Variants in QTMAN observed in about 807,000 individuals in gnomAD.
QTMAN encodes the protein queuosine-tRNA mannosyltransferase, also known as tRNA-queuosine alpha-mannosyltransferase.
chr2:143,946,952 G>T, the QTMAN span: 2 of 822,462 alleles, frequency 2.4e-6, no homozygotes, highest in Non-Finnish European at 4.0e-6. Context: ...AGCTTCCTCT[G>T]CAGATTTTCT....
At chr2:143,966,870 T>C in the QTMAN span, among the ~76,000 whole-genome samples, 1 of 152,248 alleles carries the variant, frequency 6.6e-6, no homozygotes, top group Admixed American at 6.5e-5. Flanking sequence ...GTTTGCTTCA[T>C]CAGAAAGGGC....
At chr2:144,291,262 G>C in the QTMAN span, among the ~76,000 whole-genome samples, 1 of 152,046 alleles carries the variant, frequency 6.6e-6, no homozygotes, top group African/African-American at 2.4e-5. Flanking sequence ...CACATTTTGG[G>C]GTACTAGGAG....
At chr2:144,261,084 A>C in the QTMAN span, among the ~76,000 whole-genome samples, 1 of 152,174 alleles carries the variant, frequency 6.6e-6, no homozygotes, top group Non-Finnish European at 1.5e-5. Flanking sequence ...ACTTCACGCT[A>C]TTCTCCTGAG....
chr2:144,173,000 T>C, the QTMAN span, among the ~76,000 whole-genome samples: 1 of 152,122 alleles, frequency 6.6e-6, no homozygotes, highest in Non-Finnish European at 1.5e-5. Context: ...CATTTTACTT[T>C]TGTTTTTGAG....
the QTMAN span, among the ~76,000 whole-genome samples, chr2:143,983,468 GTTTTTTTT>G: frequency 8.6e-6 from 1 of 116,002 alleles, no homozygotes; most frequent in Non-Finnish European, 1.7e-5. Flanking sequence ...CATTTTTGAG[GTTTTTTTT>G]TTTTTTTTTT....
At chr2:144,269,664 C>G in the QTMAN span, among the ~76,000 whole-genome samples, 1 of 151,444 alleles carries the variant, frequency 6.6e-6, no homozygotes, top group African/African-American at 2.4e-5. Context: ...ATAAAATGAC[C>G]TAAGAAAAAA....
the QTMAN span, among the ~76,000 whole-genome samples, chr2:144,180,273 A>AT: frequency 6.6e-6 from 1 of 151,558 alleles, no homozygotes; most frequent in Admixed American, 6.6e-5. Context: ...GATTGATGGT[A>AT]TTTTTTCCAC....
At chr2:144,041,632 C>T in the QTMAN span, among the ~76,000 whole-genome samples, 44 of 152,306 alleles carry the variant, frequency 2.9e-4, no homozygotes, top group African/African-American at 9.1e-4. Context: ...GTTCTGTGGA[C>T]GCACTGATAA....
At chr2:144,113,694 C>A in the QTMAN span, among the ~76,000 whole-genome samples, 1 of 152,172 alleles carries the variant, frequency 6.6e-6, no homozygotes, top group Non-Finnish European at 1.5e-5. Flanking sequence ...CAGAAAAATT[C>A]TTGAAAGCAG....
the QTMAN span, chr2:144,176,992 T>C: frequency 1.1e-5 from 6 of 557,892 alleles, no homozygotes; most frequent in Admixed American, 3.0e-5. Context: ...ATGTCTTACA[T>C]GGTCAGAGCA....
chr2:144,103,890 G>A, the QTMAN span, among the ~76,000 whole-genome samples: 1 of 152,144 alleles, frequency 6.6e-6, no homozygotes, highest in Non-Finnish European at 1.5e-5. Context: ...AGGAGCTCAA[G>A]AGCAGCCTGG....
At chr2:144,044,236 TA>T in the QTMAN span, among the ~76,000 whole-genome samples, 7 of 152,070 alleles carry the variant, frequency 4.6e-5, no homozygotes, top group South Asian at 2.1e-4. Flanking sequence ...TTACCATGCT[TA>T]AAAAAAATAC....
the QTMAN span, among the ~76,000 whole-genome samples, chr2:144,232,000 G>A: frequency 6.6e-6 from 1 of 151,934 alleles, no homozygotes; most frequent in African/African-American, 2.4e-5. Context: ...GCATGCCTTC[G>A]CAAAACTGTC....
chr2:143,963,893 T>C, the QTMAN span: 3 of 152,130 alleles, frequency 2.0e-5, no homozygotes, highest in African/African-American at 7.2e-5. Context: ...TTCTCAATCA[T>C]ATTCTCGGGA....
At chr2:144,089,343 G>A in the QTMAN span, among the ~76,000 whole-genome samples, 2 of 151,990 alleles carry the variant, frequency 1.3e-5, no homozygotes, top group Non-Finnish European at 2.9e-5. Flanking sequence ...TACACTATTG[G>A]TAGGAATGTA....
At chr2:144,243,670 G>T in the QTMAN span, among the ~76,000 whole-genome samples, 4 of 152,140 alleles carry the variant, frequency 2.6e-5, no homozygotes, top group Non-Finnish European at 4.4e-5. Context: ...TTAAAACAAT[G>T]ATATCAAAAG....
chr2:144,321,594 T>C, the QTMAN span, among the ~76,000 whole-genome samples: 1 of 151,896 alleles, frequency 6.6e-6, no homozygotes. Context: ...TCAAAGAAAA[T>C]TGGTTTATTA....
At chr2:144,186,689 G>A in the QTMAN span, among the ~76,000 whole-genome samples, 1 of 152,040 alleles carries the variant, frequency 6.6e-6, no homozygotes, top group African/African-American at 2.4e-5. Flanking sequence ...TATTAATTTA[G>A]TCATCCTTTA....
the QTMAN span, chr2:143,940,999 C>T: frequency 6.6e-6 from 1 of 152,188 alleles, no homozygotes; most frequent in African/African-American, 2.4e-5. Context: ...CTTATTAACA[C>T]GTTTCTTCTT....
Sources: allele counts gnomAD v4.1 joint callset (sites outside exome capture counted in the v4.1 genomes callset), GRCh38; gene constraint gnomAD v4.1.1; transcripts MANE v1.5; gene names NCBI Gene and HGNC (gene_info 2026-07-23, HGNC 2026-07-21).